The following SART3 variants were observed in gnomAD, a reference collection of about 807,000 sequenced individuals.
SART3 encodes the protein spliceosome associated factor 3, U4/U6 recycling protein.
A neutral mutation model predicts 122.3 loss-of-function variants in SART3; 44 were observed. The observed-to-expected ratio is 0.36, with a 90% CI of 0.28 to 0.46. The LOEUF is 0.46. SART3 is among the 20% of genes least tolerant of loss of function. The pLI is 1.00. For synonymous variants in SART3, 442 were observed against 454.0 expected (o/e 0.97, Z 0.34); for missense variants, 1,101 against 1,229.0 (o/e 0.90, Z 1.56).
chr12:108,560,710 G>T, intron 1 of SART3, 133 bp downstream of exon 1: 1 of 697,672 alleles, frequency 1.4e-6, no homozygotes, highest in Admixed American at 3.1e-5. Flanking sequence ...TCCGACAGGA[G>T]CTACTGTCAC....
intron 5 of SART3, among the ~76,000 whole-genome samples, chr12:108,543,798 G>C (rs1346131393): frequency 6.6e-6 from 1 of 152,170 alleles, no homozygotes; most frequent in East Asian, 1.9e-4. Context: ...CCCGTGTCTA[G>C]GGAACAAACA....
intron 1 of SART3, chr12:108,554,087 C>G (rs992275172): frequency 2.0e-5 from 3 of 152,170 alleles, no homozygotes; most frequent in African/African-American, 7.2e-5. Context: ...GCCTAGCCAC[C>G]CCTTTTCATA....
In SART3 at chr12:108,561,084, CCGTCAG is replaced by C; in HGVS notation, c.65_70del (p.Ala22_Asp23del). 1.2e-6 allele frequency: 2 copies of C among 1,614,204 alleles called. No individual in the cohort carries two copies. The highest frequency in any genetic ancestry group is 1.7e-6 in the Non-Finnish European group (2 of 1,180,034). On this transcript the variant is annotated inframe_deletion, in exon 1 of 19. Transcript: ENST00000546815. ...AGCCGCCTTAACCTCATCCTCCTCT[CCGTCAG>C]CCTTGGGCCCAGCCTTGGACTCAGC...
chr12:108,542,774 C>T (rs1218848202), intron 6 of SART3: 4 of 576,500 alleles, frequency 6.9e-6, no homozygotes, highest in Middle Eastern at 2.7e-4. Flanking sequence ...GATTACCTCT[C>T]GGGAGAGGGA....
At chr12:108,531,050 CAA>C (rs1872659404) in intron 14 of SART3, among the ~76,000 whole-genome samples, 152 bp downstream of exon 14, 1 of 152,122 alleles carries the variant, frequency 6.6e-6, no homozygotes, top group Non-Finnish European at 1.5e-5. Context: ...AAAAATGACA[CAA>C]GACAGGTTTA....
intron 15 of SART3, among the ~76,000 whole-genome samples, 169 bp from the exon 16 acceptor site, chr12:108,526,722 A>T (rs377528187): frequency 1.3e-5 from 2 of 152,136 alleles, no homozygotes; most frequent in African/African-American, 4.8e-5. Flanking sequence ...GATCCGCCTG[A>T]CCTGTCCCAC....
chr12:108,552,707 A>AGAG (rs1274965238), intron 1 of SART3, among the ~76,000 whole-genome samples: 3 of 152,182 alleles, frequency 2.0e-5, no homozygotes, highest in Non-Finnish European at 4.4e-5. Flanking sequence ...ACCTAAAAAA[A>AGAG]GAGACACTTC....
rs1328103033 is a variant in SART3 at position 108,531,272 on chromosome 12, C to G, written c.1678G>C (p.Glu560Gln). ...LTMERTEGSL[E>Q]DWDIAVQKTE... ...TTCTGAACAGCTATATCCCAATCTT[C>G]TAAAGAACCTTGAAAGAAAGAGAAG... is the stretch of plus-strand genomic sequence containing the variant. Residue 560 changes from glutamate to glutamine, a missense_variant, in exon 14 of 19, where the codon GAA becomes CAA. Transcript: ENST00000546815. 6.2e-7 allele frequency: 1 copy of G among 1,613,360 alleles called. No homozygotes were observed. The highest frequency in any genetic ancestry group is 1.7e-5 in the Admixed American group (1 of 60,000).
chr12:108,537,196 C>A, intron 9 of SART3: 1 of 445,584 alleles, frequency 2.2e-6, no homozygotes, highest in Non-Finnish European at 4.1e-6. Flanking sequence ...TAAAACACAG[C>A]AGACTTATTT....
chr12:108,540,246 GA>G (rs1364406639), intron 6 of SART3, among the ~76,000 whole-genome samples: 4 of 152,274 alleles, frequency 2.6e-5, no homozygotes, highest in African/African-American at 9.6e-5. Context: ...GACATCAGAA[GA>G]CAGAAAGATA....
chr12:108,545,291 A>G lies in SART3; in HGVS notation c.577T>C (p.Ser193Pro). ...CCTTTCTGACCAATCCCACCAACTGAGTACTGGCCATACTCTAGCCAAATG... is the reference window on the plus strand; with the variant it reads ...CCTTTCTGACCAATCCCACCAACTGGGTACTGGCCATACTCTAGCCAAATG... ...PNIWLEYGQYSVGGIGQKGGL... is the reference protein window; with the variant it reads ...PNIWLEYGQYPVGGIGQKGGL... The change falls in exon 4 of 19, where the codon TCA (serine) becomes CCA (proline). Residue 193 changes from serine to proline, a missense_variant. This residue lies in a region of SART3 where 885 missense variants were observed against 1,080.1 expected (regional missense o/e 0.82). Coordinates refer to ENST00000546815, the MANE Select transcript of SART3 (RefSeq NM_014706.4). 6.2e-7 allele frequency: 1 copy of G among 1,614,250 alleles called. No individual in the cohort carries two copies. Among genetic ancestry groups the G allele is most frequent in the Non-Finnish European group, 8.5e-7 (1 of 1,180,040 alleles).
chr12:108,540,174 A>G (rs1873094000), intron 6 of SART3, among the ~76,000 whole-genome samples: 1 of 152,262 alleles, frequency 6.6e-6, no homozygotes, highest in African/African-American at 2.4e-5. Context: ...TCAGACAAAA[A>G]AGTGACTACC....
At chr12:108,537,060 T>C (rs1872940556) in intron 9 of SART3, 2 of 485,712 alleles carry the variant, frequency 4.1e-6, no homozygotes, top group East Asian at 8.0e-5. Context: ...AACAAGAGAA[T>C]GGCTAAAGGC....
At position 108,537,025 on chromosome 12, in the gene SART3, T is replaced by TC. The variant is rs1593239294; in HGVS notation, c.1310-241dup. Reference sequence around the variant, plus strand: ...ACACAGGGTGCTGTGGGGGGGAGTCTCCCCCAGCTGGGGTGACACAGGCAA... The same window carrying TC: ...ACACAGGGTGCTGTGGGGGGGAGTCTCCCCCCAGCTGGGGTGACACAGGCAA... On this transcript the variant is annotated intron_variant, in intron 9 of 18. Coordinates refer to ENST00000546815, the MANE Select transcript of SART3 (RefSeq NM_014706.4). 7 of 529,930 alleles carry TC rather than the reference T, an allele frequency of 1.3e-5. No individual in the cohort carries two copies. In the Middle Eastern group the frequency reaches 2.1e-3, roughly 156 times the overall value. 32.8% of individuals were successfully genotyped at this position (529,930 alleles called of 1,614,324 possible). A position where few individuals can be genotyped will look rare whatever the true frequency, so the allele number is the denominator to read the frequency against.
At chr12:108,524,239 G>A (rs949291593) in intron 18 of SART3, 77 bp downstream of exon 18, 38 of 1,218,892 alleles carry the variant, frequency 3.1e-5, no homozygotes, top group Admixed American at 2.0e-4. Context: ...AATTCATCCC[G>A]GGTTAATCCC....
chr12:108,526,170 G>A lies in SART3; in HGVS notation c.2299C>T (p.Arg767Trp), dbSNP rs779659299. ...ATTGGCCTCCCTTCTACACTTTTCC[G>A]GTCCATCTCCAGTGCCTGAAGGGCT... ...KSALQALEMD[R>W]KSVEGRPMFV... The change falls in exon 16 of 19, where the codon CGG becomes TGG. Residue 767 changes from arginine to tryptophan, a missense_variant. Arg to Trp is a moderately radical substitution (Grantham distance 101, BLOSUM62 -3). Transcript: ENST00000546815. The A allele has an allele frequency of 9.3e-6, 15 of 1,614,120 alleles. No individual in the cohort carries two copies. Among genetic ancestry groups the A allele is most frequent in the Admixed American group, 1.7e-5 (1 of 60,018 alleles).
chr12:108,544,566 G>A, intron 4 of SART3, 88 bp from the exon 5 acceptor site: 1 of 1,583,916 alleles, frequency 6.3e-7, no homozygotes, highest in Non-Finnish European at 8.7e-7. Flanking sequence ...ATGACAAACT[G>A]TGGTTCTTTC....
chr12:108,559,953 C>T (rs4964724), intron 1 of SART3, among the ~76,000 whole-genome samples: 112,717 of 152,074 alleles, frequency 0.74, 43,673 homozygotes, highest in East Asian at 0.92. Flanking sequence ...CTCAGGTGCC[C>T]TCTCCACACA....
At position 108,561,070 on chromosome 12, in the gene SART3, C is replaced by T. The variant is rs764193702; in HGVS notation, c.85G>A (p.Val29Ile). The T allele has an allele frequency of 3.7e-6, 6 of 1,614,056 alleles. No homozygotes were observed. The highest frequency in any genetic ancestry group is 5.1e-6 in the Non-Finnish European group (6 of 1,180,030). The change falls in exon 1 of 19, where the codon GTT becomes ATT. Residue 29 changes from valine to isoleucine, a missense_variant. Around this residue, in one of 2 missense-constraint regions of SART3, gnomAD observed 216 missense variants for 148.9 expected, o/e 1.45. Coordinates refer to ENST00000546815, the MANE Select transcript of SART3 (RefSeq NM_014706.4). ...TTCCTCCTTGTCCTAGCCGCCTTAA[C>T]CTCATCCTCCTCTCCGTCAGCCTTG... ...GPKADGEEDE[V>I]KAARTRRKVL...
Sources: gnomAD v4.1 joint callset for allele counts (sites outside exome capture counted in the v4.1 genomes callset) on GRCh38, gnomAD v4.1.1 for gene constraint, gnomAD v4.1.1 regional missense constraint, MANE v1.5 for transcripts, NCBI Gene and HGNC (gene_info 2026-07-23, HGNC 2026-07-21) for gene names.